Variants in PPM1A observed in about 807,000 individuals in gnomAD.
PPM1A encodes protein phosphatase 1A.
A neutral mutation model predicts 35.0 loss-of-function variants in PPM1A; 7 were observed. The observed-to-expected ratio is 0.20, with a 90% CI of 0.11 to 0.38. The LOEUF (loss-of-function observed/expected upper bound fraction) is 0.38. PPM1A is among the 10% of genes least tolerant of loss of function. The pLI is 1.00. For synonymous variants in PPM1A, 153 were observed against 167.3 expected, an observed-to-expected ratio of 0.91 and a Z score of 0.66; for missense variants, 239 against 467.8, an observed-to-expected ratio of 0.51 and a Z score of 4.51.
At chr14:60,263,639 A>G (rs543243210) in intron 1 of PPM1A, among the ~76,000 whole-genome samples, 21 of 152,250 alleles carry the variant, frequency 1.4e-4, no homozygotes, top group African/African-American at 3.4e-4. Context: ...GTTGGACCCA[A>G]TAGGTAGTTT....
chr14:60,287,617 C>G, intron 3 of PPM1A: 7 of 985,166 alleles, frequency 7.1e-6, no homozygotes, highest in Non-Finnish European at 8.4e-6. Context: ...ACCTACTAAA[C>G]CTCATTTTAT....
At chr14:60,275,491 T>C (rs915262246) in intron 1 of PPM1A, among the ~76,000 whole-genome samples, 3 of 152,190 alleles carry the variant, frequency 2.0e-5, no homozygotes, top group Admixed American at 2.0e-4. Context: ...TATTTTATTA[T>C]TTTTATTTTT....
At chr14:60,274,261 A>G (rs906589172) in intron 1 of PPM1A, among the ~76,000 whole-genome samples, 2 of 152,188 alleles carry the variant, frequency 1.3e-5, no homozygotes, top group South Asian at 2.1e-4. Flanking sequence ...TGAGCAGTCA[A>G]TTAGAGGAGG....
At chr14:60,265,155 G>A (rs1194579304) in intron 1 of PPM1A, among the ~76,000 whole-genome samples, 1 of 152,070 alleles carries the variant, frequency 6.6e-6, no homozygotes, top group East Asian at 1.9e-4. Context: ...TTGATTCTTG[G>A]TAACATCAGG....
rs1476226288 is a variant in PPM1A, at chr14:60,295,390, A to C, written c.*2908A>C. The C allele has an allele frequency of 6.6e-6, 1 of 151,754 alleles. No individual in the cohort carries two copies. Among genetic ancestry groups the C allele is most frequent in the African/African-American group, 2.4e-5 (1 of 41,396 alleles). 9.4% of individuals were successfully genotyped at this position (151,754 alleles called of 1,614,324 possible). On this transcript the variant is annotated 3_prime_UTR_variant, in exon 6 of 6. Transcript: ENST00000395076. ...GATAACTTAATTCAGCTTTGGAAGT[A>C]TCTCAAACATATTTTTACTTTATAG...
chr14:60,291,819 G>A (rs1201398051), intron 5 of PPM1A, among the ~76,000 whole-genome samples: 3 of 125,570 alleles, frequency 2.4e-5, no homozygotes, highest in African/African-American at 9.2e-5. Flanking sequence ...TCTGAGTTTT[G>A]TAAGCAGCTG....
intron 1 of PPM1A, among the ~76,000 whole-genome samples, chr14:60,274,680 C>T (rs1486108629): frequency 6.6e-6 from 1 of 150,728 alleles, no homozygotes; most frequent in East Asian, 1.9e-4. Context: ...ATGGTTCACT[C>T]ATTTATTGAT....
chr14:60,266,804 G>A (rs1884436638), intron 1 of PPM1A, among the ~76,000 whole-genome samples: 1 of 152,100 alleles, frequency 6.6e-6, no homozygotes, highest in African/African-American at 2.4e-5. Flanking sequence ...ATTTTGAAAT[G>A]ATTTAATCAA....
intron 1 of PPM1A, among the ~76,000 whole-genome samples, chr14:60,274,170 A>G (rs989787620): frequency 6.6e-6 from 1 of 152,294 alleles, no homozygotes; most frequent in African/African-American, 2.4e-5. Flanking sequence ...GTAGGAAGAA[A>G]GCTGGGAGTG....
intron 1 of PPM1A, among the ~76,000 whole-genome samples, chr14:60,261,259 C>A (rs963139251): frequency 1.3e-5 from 2 of 152,022 alleles, no homozygotes; most frequent in Admixed American, 6.6e-5. Context: ...ATTAAAAATT[C>A]AAGGATACTG....
In PPM1A at chr14:60,292,434, T is replaced by C; in HGVS notation, c.1120-19T>C. The C allele has an allele frequency of 2.5e-6, 4 of 1,582,958 alleles. No homozygotes were observed. The highest frequency in any genetic ancestry group is 3.5e-6 in the Non-Finnish European group (4 of 1,153,036). The stretch of plus-strand genomic sequence containing the variant: ...GCTAAATTTTAACGTTGTTCCTTAT[T>C]TTGCTTCCTTTTACAAAGGACTCTA... On this transcript the variant is annotated intron_variant, in intron 5 of 5. Transcript: ENST00000395076. This position sits in a 1 kb window ranked among gnomAD's most constrained non-coding sequence, Gnocchi z 4.2.
At chr14:60,290,633 A>C (rs1887532988) in intron 4 of PPM1A, among the ~76,000 whole-genome samples, 1 of 152,182 alleles carries the variant, frequency 6.6e-6, no homozygotes, top group East Asian at 1.9e-4. Context: ...TAAAACTACA[A>C]GTGAAGACTT....
Position 60,273,674 on chromosome 14 carries a change from A to G in PPM1A, c.-20-9010A>G, listed in dbSNP as rs1253335373. On this transcript the variant is annotated intron_variant, in intron 1 of 5. Coordinates refer to ENST00000395076, the MANE Select transcript of PPM1A (RefSeq NM_021003.5). The surrounding 1 kb of genome is among the most constrained non-coding windows in gnomAD (Gnocchi z 4.3). ...CAGGATCCACGTGAAGAGACTAAAG[A>G]CGCTAGTATTCTGCAGTGAGAATGA... 2.0e-5 allele frequency among the ~76,000 whole-genome samples: 3 copies of G among 152,184 alleles called. No individual in the cohort carries two copies. Among genetic ancestry groups the G allele is most frequent in the Admixed American group, 6.5e-5 (1 of 15,280 alleles).
At chr14:60,288,151 C>T (rs1184284655) in intron 3 of PPM1A, 16 of 984,956 alleles carry the variant, frequency 1.6e-5, no homozygotes, top group Non-Finnish European at 1.8e-5. Flanking sequence ...CCACGTGGAA[C>T]AGGAGATATT....
chr14:60,291,719 T>A (rs1887652420), intron 5 of PPM1A, among the ~76,000 whole-genome samples: 2 of 150,704 alleles, frequency 1.3e-5, no homozygotes, highest in South Asian at 4.2e-4. Context: ...TTACAAACAA[T>A]CAACTTCAGA....
At chr14:60,272,304 A>G (rs1174719541) in intron 1 of PPM1A, among the ~76,000 whole-genome samples, 2 of 150,554 alleles carry the variant, frequency 1.3e-5, no homozygotes, top group Non-Finnish European at 1.5e-5. Context: ...GCTTGGCTGG[A>G]ATTTTTTCTC....
At chr14:60,272,423 G>A (rs1885240361) in intron 1 of PPM1A, among the ~76,000 whole-genome samples, 1 of 152,074 alleles carries the variant, frequency 6.6e-6, no homozygotes, top group Non-Finnish European at 1.5e-5. Context: ...AAGACACACA[G>A]GAGGCTGGTG....
At chr14:60,280,032 C>T (rs946180514) in intron 1 of PPM1A, among the ~76,000 whole-genome samples, 3 of 151,890 alleles carry the variant, frequency 2.0e-5, no homozygotes, top group African/African-American at 7.3e-5. Flanking sequence ...GACGGAGTCT[C>T]GCTCTATCGC....
intron 2 of PPM1A, among the ~76,000 whole-genome samples, chr14:60,285,185 T>C (rs540151659): frequency 6.6e-6 from 1 of 152,322 alleles, no homozygotes; most frequent in African/African-American, 2.4e-5. Context: ...GGTAATTTTA[T>C]CAGGTACATA....
Sources: allele counts gnomAD v4.1 joint callset (sites outside exome capture counted in the v4.1 genomes callset), GRCh38; gene constraint gnomAD v4.1.1; non-coding constraint Gnocchi (gnomAD v3.1); transcripts MANE v1.5; gene names NCBI Gene and HGNC (gene_info 2026-07-23, HGNC 2026-07-21).